The following GYS2 variants were observed in gnomAD, a reference collection of about 807,000 sequenced individuals.
GYS2 encodes the protein glycogen [starch] synthase, liver.
In GYS2, 80 loss-of-function variants were observed where a neutral mutation model predicts 85.6. That is an observed-to-expected ratio of 0.93 (90% confidence interval 0.78 to 1.13). The LOEUF (loss-of-function observed/expected upper bound fraction) is 1.13, where lower values mean the gene tolerates loss of function less well. Ranked by LOEUF, GYS2 falls within the 50% of genes most tolerant of loss-of-function variation. The probability of loss-of-function intolerance (pLI) is 0.00; values close to 1 mark genes in which losing one functional copy is unlikely to be tolerated. For synonymous variants in GYS2, 328 were observed against 300.7 expected (o/e 1.09, Z -0.94); for missense variants, 881 against 854.9 (o/e 1.03, Z -0.38).
intron 1 of GYS2, among the ~76,000 whole-genome samples, chr12:21,604,224 T>G (rs1944782468): frequency 6.6e-6 from 1 of 152,180 alleles, no homozygotes; most frequent in South Asian, 2.1e-4. Flanking sequence ...AATTTTAATT[T>G]AAATGCACAT....
intron 1 of GYS2, among the ~76,000 whole-genome samples, chr12:21,593,834 CT>C (rs983939420): frequency 6.6e-6 from 1 of 152,068 alleles, no homozygotes; most frequent in African/African-American, 2.4e-5. Context: ...GTCAATATCC[CT>C]GATGGAACAT....
At chr12:21,576,710 G>T (rs1944451141) in intron 2 of GYS2, among the ~76,000 whole-genome samples, 1 of 152,012 alleles carries the variant, frequency 6.6e-6, no homozygotes, top group Admixed American at 6.5e-5. Context: ...TTTATCTTCT[G>T]CAAGTTTTAA....
chr12:21,598,022 A>G (rs185426429), intron 1 of GYS2, among the ~76,000 whole-genome samples: 108 of 152,218 alleles, frequency 7.1e-4, no homozygotes, highest in African/African-American at 2.6e-3. Flanking sequence ...GAGTAGAATG[A>G]CAGAAACCAG....
intron 1 of GYS2, among the ~76,000 whole-genome samples, chr12:21,596,853 A>G (rs764626375): frequency 3.5e-4 from 54 of 152,142 alleles, no homozygotes; most frequent in Non-Finnish European, 4.0e-4. Context: ...TTAAAACCCT[A>G]AAGACTCCTC....
At chr12:21,573,613 A>G (rs1428257661) in intron 4 of GYS2, among the ~76,000 whole-genome samples, 1 of 152,184 alleles carries the variant, frequency 6.6e-6, no homozygotes, top group African/African-American at 2.4e-5. Flanking sequence ...CTTCTGTTTT[A>G]CTTGATCCCA....
At chr12:21,573,871 T>C (rs1944413678) in intron 4 of GYS2, among the ~76,000 whole-genome samples, 1 of 152,224 alleles carries the variant, frequency 6.6e-6, no homozygotes. Flanking sequence ...ACCTACACCA[T>C]GTCTTTACTC....
At chr12:21,549,859 ATAAAGT>A (rs573909319) in intron 11 of GYS2, among the ~76,000 whole-genome samples, 117 of 152,234 alleles carry the variant, frequency 7.7e-4, no homozygotes, top group African/African-American at 2.7e-3. Context: ...CTTCTCCACT[ATAAAGT>A]TATTCTTTTT....
At chr12:21,583,458 G>A (rs956440649) in intron 1 of GYS2, among the ~76,000 whole-genome samples, 1 of 152,170 alleles carries the variant, frequency 6.6e-6, no homozygotes, top group Non-Finnish European at 1.5e-5. Flanking sequence ...TGCCAGTTTT[G>A]AGTGGAGTCC....
At position 21,568,961 on chromosome 12, in the gene GYS2, A is replaced by G. The variant is rs142937277; in HGVS notation, c.727T>C (p.Cys243Arg). The G allele has an allele frequency of 1.9e-6, 3 of 1,613,876 alleles. No homozygotes were observed. The highest frequency in any genetic ancestry group is 2.5e-6 in the Non-Finnish European group (3 of 1,179,738). ...AGERQIYHRY[C>R]MERASVHCAH... ...CAATGAACGGAAGCTCGCTCCATGC[A>G]GTACCGGTGGTAAATCTGCCTTTCC... Residue 243 changes from cysteine (C) to arginine (R), a missense_variant, in exon 5 of 16, where the codon TGC becomes CGC. Coordinates refer to ENST00000261195, the MANE Select transcript of GYS2 (RefSeq NM_021957.4).
Position 21,559,657 on chromosome 12 carries a change from A to G in GYS2, c.1223T>C (p.Leu408Ser). The change falls in exon 9 of 16, where the codon TTA (leucine) becomes TCA (serine). Residue 408 changes from leucine (L) to serine (S), a missense_variant. Leu to Ser is a moderately radical substitution (Grantham distance 145). Transcript: ENST00000261195. ...EKFGKKLYDALLRGEIPDLND... is the reference protein window; with the variant it reads ...EKFGKKLYDASLRGEIPDLND... ...AAGCATTTCAAGCACCTACCTTAAT[A>G]ATGCATCATAGAGTTTTTTTCCAAA... 6.5e-7 allele frequency: 1 copy of G among 1,543,724 alleles called. No individual in the cohort carries two copies. Among genetic ancestry groups the G allele is most frequent in the Non-Finnish European group, 9.0e-7 (1 of 1,115,654 alleles).
At chr12:21,545,967 T>C (rs1944033875) in intron 12 of GYS2, among the ~76,000 whole-genome samples, 1 of 152,232 alleles carries the variant, frequency 6.6e-6, no homozygotes, top group Admixed American at 6.5e-5. Context: ...ATTGCTAGAC[T>C]ATTATTTATT....
At chr12:21,600,581 A>T (rs1437627539) in intron 1 of GYS2, among the ~76,000 whole-genome samples, 1 of 152,180 alleles carries the variant, frequency 6.6e-6, no homozygotes, top group Non-Finnish European at 1.5e-5. Flanking sequence ...TGTGTTAACA[A>T]AAAACAGCCG....
chr12:21,604,812 G>A lies in GYS2; in HGVS notation c.-220C>T, dbSNP rs1190985656. 4 of 1,317,768 alleles carry A rather than the reference G, an allele frequency of 3.0e-6. No homozygotes were observed. Among genetic ancestry groups the A allele is most frequent in the Non-Finnish European group, 3.9e-6 (4 of 1,023,984 alleles). The allele number at this position is 1,317,768 out of a possible 1,614,324, so 81.6% of individuals were successfully genotyped here. On this transcript the variant is annotated 5_prime_UTR_variant, in exon 1 of 16. Transcript: ENST00000261195. ...CTCCTCTTTCTCGTCTTTCTGGGCA[G>A]GTATTGTGAGGACGGTATCTGCCCT...
intron 1 of GYS2, among the ~76,000 whole-genome samples, chr12:21,584,313 G>T (rs925557944): frequency 4.2e-5 from 6 of 142,710 alleles, no homozygotes; most frequent in Non-Finnish European, 6.2e-5. Flanking sequence ...TTGGGGAAGA[G>T]GTATGTGGAT....
intron 8 of GYS2, 87 bp downstream of exon 8, chr12:21,560,299 G>C (rs1944236642): frequency 2.5e-6 from 2 of 804,192 alleles, no homozygotes; most frequent in Admixed American, 3.4e-5. Flanking sequence ...AAAAAACAAA[G>C]TTCAAGGCGA....
rs60154469 is a variant in GYS2 at position 21,536,516 on chromosome 12, T to TA, written c.*437dup. ...AATAATCAGTAAAAACCTAGCTATT[T>TA]AAAAAATGTAGGTAGTGCACATTCA... On this transcript the variant is annotated 3_prime_UTR_variant, in exon 16 of 16. Transcript: ENST00000261195. The TA allele has an allele frequency of 0.023, 4,486 of 190,982 alleles. 187 individuals carry two copies. The highest frequency in any genetic ancestry group is 0.091 in the African/African-American group (3,806 of 41,902). 11.8% of individuals were successfully genotyped at this position (190,982 alleles called of 1,614,324 possible).
At chr12:21,538,708 G>C (rs891750016) in intron 15 of GYS2, among the ~76,000 whole-genome samples, 3 of 152,164 alleles carry the variant, frequency 2.0e-5, no homozygotes, top group African/African-American at 7.2e-5. Context: ...ACGCTCCCCT[G>C]CTTCAAGTGG....
intron 1 of GYS2, among the ~76,000 whole-genome samples, chr12:21,590,377 A>C (rs1944623601): frequency 6.6e-6 from 1 of 152,110 alleles, no homozygotes; most frequent in Non-Finnish European, 1.5e-5. Flanking sequence ...GCCATCCACC[A>C]TGACTGGTAC....
intron 12 of GYS2, among the ~76,000 whole-genome samples, chr12:21,543,310 C>A (rs1052679753): frequency 1.3e-5 from 2 of 152,108 alleles, no homozygotes; most frequent in African/African-American, 4.8e-5. Context: ...TAGACAGCAA[C>A]CTTATCTCTT....
Sources: gnomAD v4.1 joint callset for allele counts (sites outside exome capture counted in the v4.1 genomes callset) on GRCh38, gnomAD v4.1.1 for gene constraint, MANE v1.5 for transcripts, NCBI Gene and HGNC (gene_info 2026-07-23, HGNC 2026-07-21) for gene names.